Variants in HNRNPA0 observed in about 807,000 individuals in gnomAD.
HNRNPA0 encodes the protein heterogeneous nuclear ribonucleoprotein A0.
For synonymous variants in HNRNPA0, 243 were observed against 195.5 expected (o/e 1.24, Z -2.03); for missense variants, 252 against 433.7 (o/e 0.58, Z 3.72).
At position 137,753,275 on chromosome 5, in the gene HNRNPA0, G is replaced by A. The variant is rs568614030; in HGVS notation, c.792C>T (p.Ser264=). 11 of 1,602,942 alleles carry A rather than the reference G, an allele frequency of 6.9e-6. No homozygotes were observed. Among genetic ancestry groups the A allele is most frequent in the Middle Eastern group, 1.7e-4 (1 of 6,044 alleles). The change falls in exon 1 of 1, where the codon TCC becomes TCT. Residue 264 remains serine (S), a synonymous_variant. Coordinates refer to ENST00000314940, the MANE Select transcript of HNRNPA0 (RefSeq NM_006805.4). This position sits in a 1 kb window ranked among gnomAD's most constrained non-coding sequence, Gnocchi z 6.1. ...GFGSYSQHQS[S]YGPMKSGGGG... ...CGCCGCCGCTCTTCATGGGCCCATA[G>A]GAGGACTGATGCTGGCTGTAGCTGC...
In HNRNPA0 at chr5:137,749,823, G is replaced by A. The variant is rs1015106029; in HGVS notation, c.*3326C>T. ...TCTCAAAACTTAAGCACACTTAAAA[G>A]GTAAACTAAGTTTACAAATCCAATA... On this transcript the variant is annotated 3_prime_UTR_variant, in exon 1 of 1. Transcript: ENST00000314940. 1 of 152,028 alleles carries A rather than the reference G, an allele frequency of 6.6e-6. No homozygotes were observed. The highest frequency in any genetic ancestry group is 1.5e-5 in the Non-Finnish European group (1 of 67,968). The allele number at this position is 152,028 out of a possible 1,614,324, so 9.4% of individuals were successfully genotyped here.
In HNRNPA0 at chr5:137,754,255, G is replaced by C. The variant is rs1038049965; in HGVS notation, c.-189C>G. On this transcript the variant is annotated 5_prime_UTR_variant, in exon 1 of 1. Coordinates refer to ENST00000314940, the MANE Select transcript of HNRNPA0 (RefSeq NM_006805.4). ...GGAAGAGAGGAAGGGGGAGGGAAGG[G>C]GAGCGGTGCCGGCTAAAGGGCGAGC... The C allele has an allele frequency of 2.5e-6, 2 of 794,598 alleles. No homozygotes were observed. The highest frequency in any genetic ancestry group is 3.9e-6 in the Non-Finnish European group (2 of 510,592). 49.2% of individuals were successfully genotyped at this position (794,598 alleles called of 1,614,324 possible).
Position 137,751,436 on chromosome 5 carries a change from TTAG to T in HNRNPA0, c.*1710_*1712del, listed in dbSNP as rs1753496183. On this transcript the variant is annotated 3_prime_UTR_variant, in exon 1 of 1. Transcript: ENST00000314940. ...AAAGCCCAATCTTTCAGAAAGCTTC[TTAG>T]TATAGCTTTGAGCCTTCAACGTCAA... The T allele has an allele frequency of 6.6e-6, 1 of 150,480 alleles. No homozygotes were observed. Among genetic ancestry groups the T allele is most frequent in the Admixed American group, 6.6e-5 (1 of 15,060 alleles). 9.3% of individuals were successfully genotyped at this position (150,480 alleles called of 1,614,324 possible). A position where few individuals can be genotyped will look rare whatever the true frequency, so the allele number is the denominator to read the frequency against.
In HNRNPA0 at chr5:137,754,073, G is replaced by A. The variant is rs773315447; in HGVS notation, c.-7C>T. On this transcript the variant is annotated 5_prime_UTR_variant, in exon 1 of 1. Transcript: ENST00000314940. ...ACAACTGAGAATTCTCCATCTCCAAGGCCCGGGCCTTGCCCCCGCCCTGCG... is the reference window on the plus strand; with the variant it reads ...ACAACTGAGAATTCTCCATCTCCAAAGCCCGGGCCTTGCCCCCGCCCTGCG... The A allele has an allele frequency of 1.1e-5, 17 of 1,602,666 alleles. No individual in the cohort carries two copies. The Admixed American group carries it at 2.6e-4, about 24-fold the overall frequency.
At position 137,752,443 on chromosome 5, in the gene HNRNPA0, G is replaced by A. The variant is rs1168961807; in HGVS notation, c.*706C>T. On this transcript the variant is annotated 3_prime_UTR_variant, in exon 1 of 1. Transcript: ENST00000314940. ...CCACTTCAAAAGTTTTGCCTGTAAG[G>A]GATATAATTCAACACGCAACTAGCA... The A allele has an allele frequency of 6.6e-6, 1 of 152,108 alleles. No homozygotes were observed. The highest frequency in any genetic ancestry group is 1.5e-5 in the Non-Finnish European group (1 of 68,018). 9.4% of individuals were successfully genotyped at this position (152,108 alleles called of 1,614,324 possible).
rs1322221973 is a variant in HNRNPA0, at chr5:137,752,557, A to T, written c.*592T>A. 2 of 152,794 alleles carry T rather than the reference A, an allele frequency of 1.3e-5. No individual in the cohort carries two copies. The highest frequency in any genetic ancestry group is 1.9e-4 in the East Asian group (1 of 5,194). The allele number at this position is 152,794 out of a possible 1,614,324, so 9.5% of individuals were successfully genotyped here. On this transcript the variant is annotated 3_prime_UTR_variant, in exon 1 of 1. Transcript: ENST00000314940. ...ATAAAGAATTAACACGTAAAGTCTT[A>T]AACAAATATCCCTTAAAAAACGGTA...
rs543527228 is a variant in HNRNPA0, at chr5:137,750,608, A to C, written c.*2541T>G. 6.6e-6 allele frequency: 1 copy of C among 152,242 alleles called. No homozygotes were observed. Among genetic ancestry groups the C allele is most frequent in the East Asian group, 1.9e-4 (1 of 5,184 alleles). 9.4% of individuals were successfully genotyped at this position (152,242 alleles called of 1,614,324 possible). A position where few individuals can be genotyped will look rare whatever the true frequency, so the allele number is the denominator to read the frequency against. ...GTGGAAGTGGTCAAAACATACAACC[A>C]ATTGTCCCTCCTCCCCAAGTCCCAC... On this transcript the variant is annotated 3_prime_UTR_variant, in exon 1 of 1. Transcript: ENST00000314940.
At position 137,754,116 on chromosome 5, in the gene HNRNPA0, G is replaced by A; in HGVS notation, c.-50C>T. On this transcript the variant is annotated 5_prime_UTR_variant, in exon 1 of 1. The change creates a new upstream start codon in the 5' untranslated region. Transcript: ENST00000314940. Reference sequence around the variant, plus strand: ...GCCCTGCGAGCTCCGAGGTTTCGCCGTCGCCGCCGTTATCGTTGGTTAAGG... The same window carrying A: ...GCCCTGCGAGCTCCGAGGTTTCGCCATCGCCGCCGTTATCGTTGGTTAAGG... 1 of 1,539,528 alleles carries A rather than the reference G, an allele frequency of 6.5e-7. No homozygotes were observed. Among genetic ancestry groups the A allele is most frequent in the Non-Finnish European group, 8.7e-7 (1 of 1,143,846 alleles).
rs373626240 is a variant in HNRNPA0 at position 137,749,870 on chromosome 5, T to G, written c.*3279A>C. 9.5e-4 allele frequency: 144 copies of G among 152,318 alleles called. No homozygotes were observed. The highest frequency in any genetic ancestry group is 3.3e-3 in the African/African-American group (139 of 41,586). 9.4% of individuals were successfully genotyped at this position (152,318 alleles called of 1,614,324 possible). On this transcript the variant is annotated 3_prime_UTR_variant, in exon 1 of 1. Coordinates refer to ENST00000314940, the MANE Select transcript of HNRNPA0 (RefSeq NM_006805.4). ...AATAACTGATACCATCACTTCTGGT[T>G]TTGAAGGAAATCATAAATGCAAATT...
chr5:137,754,327 C>A lies in HNRNPA0; in HGVS notation c.-261G>T. The A allele has an allele frequency of 2.0e-6, 1 of 508,328 alleles. No homozygotes were observed. Among genetic ancestry groups the A allele is most frequent in the Non-Finnish European group, 3.6e-6 (1 of 278,036 alleles). 31.5% of individuals were successfully genotyped at this position (508,328 alleles called of 1,614,324 possible). On this transcript the variant is annotated 5_prime_UTR_variant, in exon 1 of 1. Transcript: ENST00000314940. ...AAGGCCACCGCTACCGCCGCCGCCG[C>A]CACCTCCGCTCCCCTATCTGGGCAC... is the stretch of plus-strand genomic sequence containing the variant.
chr5:137,753,690 T>C lies in HNRNPA0; in HGVS notation c.377A>G (p.Lys126Arg). 6.2e-7 allele frequency: 1 copy of C among 1,613,822 alleles called. No homozygotes were observed. Reference sequence around the variant, plus strand: ...CTGCTTGTCGGCAATAATCTCGGCCTTTTCCACGGTGCCAAACTGCGAGAA... The same window carrying C: ...CTGCTTGTCGGCAATAATCTCGGCCCTTTCCACGGTGCCAAACTGCGAGAA... ...EHFSQFGTVE[K>R]AEIIADKQSG... The change falls in exon 1 of 1, where the codon AAG becomes AGG. Residue 126 changes from lysine to arginine, a missense_variant. Physicochemically the swap from Lys to Arg is conservative, Grantham distance 26. Transcript: ENST00000314940. The surrounding 1 kb of genome is among the most constrained non-coding windows in gnomAD (Gnocchi z 6.1).
chr5:137,752,676 C>T lies in HNRNPA0; in HGVS notation c.*473G>A, dbSNP rs1738060899. 1 of 157,444 alleles carries T rather than the reference C, an allele frequency of 6.4e-6. No individual in the cohort carries two copies. The highest frequency in any genetic ancestry group is 1.4e-5 in the Non-Finnish European group (1 of 71,628). The allele number at this position is 157,444 out of a possible 1,614,324, so 9.8% of individuals were successfully genotyped here. On this transcript the variant is annotated 3_prime_UTR_variant, in exon 1 of 1. Coordinates refer to ENST00000314940, the MANE Select transcript of HNRNPA0 (RefSeq NM_006805.4). Reference sequence around the variant, plus strand: ...CGTAAAAATGATTTTTGTACATATGCTTCCAAATTTCAGGCATGGGATCCA... The same window carrying T: ...CGTAAAAATGATTTTTGTACATATGTTTCCAAATTTCAGGCATGGGATCCA...
rs1415828124 is a variant in HNRNPA0, at chr5:137,751,284, TCTTA to T, written c.*1861_*1864del. 6 of 147,710 alleles carry T rather than the reference TCTTA, an allele frequency of 4.1e-5. No homozygotes were observed. The highest frequency in any genetic ancestry group is 2.5e-5 in the African/African-American group (1 of 39,724). The allele number at this position is 147,710 out of a possible 1,614,324, so 9.1% of individuals were successfully genotyped here. On this transcript the variant is annotated 3_prime_UTR_variant, in exon 1 of 1. Transcript: ENST00000314940. ...CTAGCCTAATAATCTTAACCTTTCT[TCTTA>T]CTTCTTTAAAAGCCCTGCCAATCAG... is the stretch of plus-strand genomic sequence containing the variant.
Position 137,745,809 on chromosome 5 carries a change from C to T in HNRNPA0, c.*7340G>A, listed in dbSNP as rs936438002. Reference sequence around the variant, plus strand: ...GATTCACACAGAGCACATTTTTATACGAGGGATGTTTCTGCCTAGGGACTC... The same window carrying T: ...GATTCACACAGAGCACATTTTTATATGAGGGATGTTTCTGCCTAGGGACTC... On this transcript the variant is annotated 3_prime_UTR_variant, in exon 1 of 1. Coordinates refer to ENST00000314940, the MANE Select transcript of HNRNPA0 (RefSeq NM_006805.4). The T allele has an allele frequency of 3.3e-5, 5 of 152,126 alleles. No homozygotes were observed. Among genetic ancestry groups the T allele is most frequent in the Admixed American group, 6.5e-5 (1 of 15,278 alleles). The allele number at this position is 152,126 out of a possible 1,614,324, so 9.4% of individuals were successfully genotyped here. A position where few individuals can be genotyped will look rare whatever the true frequency, so the allele number is the denominator to read the frequency against.
Position 137,752,884 on chromosome 5 carries a change from G to A in HNRNPA0, c.*265C>T. The A allele has an allele frequency of 2.7e-6, 1 of 376,912 alleles. No homozygotes were observed. The highest frequency in any genetic ancestry group is 4.7e-6 in the Non-Finnish European group (1 of 211,762). 23.3% of individuals were successfully genotyped at this position (376,912 alleles called of 1,614,324 possible). ...TAGTATAAAAACGACCAAGGTCCAA[G>A]TAATAATAAAAAAATAGAGTCCATC... On this transcript the variant is annotated 3_prime_UTR_variant, in exon 1 of 1. Coordinates refer to ENST00000314940, the MANE Select transcript of HNRNPA0 (RefSeq NM_006805.4).
At position 137,754,166 on chromosome 5, in the gene HNRNPA0, G is replaced by A; in HGVS notation, c.-100C>T. The A allele has an allele frequency of 7.0e-7, 1 of 1,421,692 alleles. No individual in the cohort carries two copies. Among genetic ancestry groups the A allele is most frequent in the East Asian group, 2.5e-5 (1 of 39,742 alleles). The allele number at this position is 1,421,692 out of a possible 1,614,324, so 88.1% of individuals were successfully genotyped here. A position where few individuals can be genotyped will look rare whatever the true frequency, so the allele number is the denominator to read the frequency against. ...GCCTCTACACAGCTTGGGCCCAGCC[G>A]TTGCTGGAGCCACCCCCGCCGCTCA... On this transcript the variant is annotated 5_prime_UTR_variant, in exon 1 of 1. In the 5' UTR this introduces an upstream ATG that the reference lacks. Coordinates refer to ENST00000314940, the MANE Select transcript of HNRNPA0 (RefSeq NM_006805.4).
Position 137,749,907 on chromosome 5 carries a change from C to T in HNRNPA0, c.*3242G>A, listed in dbSNP as rs1267412377. On this transcript the variant is annotated 3_prime_UTR_variant, in exon 1 of 1. Transcript: ENST00000314940. ...CATAAATGCAAATTTCTCAAGTATCCTCAATCTTTTAGGTTTACTTAAAAA... is the reference window on the plus strand; with the variant it reads ...CATAAATGCAAATTTCTCAAGTATCTTCAATCTTTTAGGTTTACTTAAAAA... 6.6e-6 allele frequency: 1 copy of T among 152,116 alleles called. No homozygotes were observed. The highest frequency in any genetic ancestry group is 1.5e-5 in the Non-Finnish European group (1 of 67,992). 9.4% of individuals were successfully genotyped at this position (152,116 alleles called of 1,614,324 possible).
rs558790830 is a variant in HNRNPA0, at chr5:137,751,259, C to T, written c.*1890G>A. ...AAAATGACTACTGAGCAGCTATAAC[C>T]TAGCCTAATAATCTTAACCTTTCTT... On this transcript the variant is annotated 3_prime_UTR_variant, in exon 1 of 1. Coordinates refer to ENST00000314940, the MANE Select transcript of HNRNPA0 (RefSeq NM_006805.4). The T allele has an allele frequency of 4.7e-5, 7 of 149,916 alleles. No individual in the cohort carries two copies. Among genetic ancestry groups the T allele is most frequent in the Admixed American group, 2.0e-4 (3 of 15,014 alleles). The allele number at this position is 149,916 out of a possible 1,614,324, so 9.3% of individuals were successfully genotyped here.
rs1753437760 is a variant in HNRNPA0 at position 137,748,032 on chromosome 5, T to G, written c.*5117A>C. 6.6e-6 allele frequency: 1 copy of G among 152,164 alleles called. No homozygotes were observed. The highest frequency in any genetic ancestry group is 2.4e-5 in the African/African-American group (1 of 41,444). The allele number at this position is 152,164 out of a possible 1,614,324, so 9.4% of individuals were successfully genotyped here. A position where few individuals can be genotyped will look rare whatever the true frequency, so the allele number is the denominator to read the frequency against. ...TGGGAGTTACTTTTCTGGCATGAGATTTAGCAACCTTATCTGTGAAGGTTA... is the reference window on the plus strand; with the variant it reads ...TGGGAGTTACTTTTCTGGCATGAGAGTTAGCAACCTTATCTGTGAAGGTTA... On this transcript the variant is annotated 3_prime_UTR_variant, in exon 1 of 1. Transcript: ENST00000314940.
Sources: allele counts gnomAD v4.1 joint callset, GRCh38; gene constraint gnomAD v4.1.1; non-coding constraint Gnocchi (gnomAD v3.1); transcripts MANE v1.5; gene names NCBI Gene and HGNC (gene_info 2026-07-23, HGNC 2026-07-21).